WASL: variants seen among roughly 807,000 people sequenced by gnomAD.
WASL encodes the protein actin nucleation-promoting factor WASL.
In WASL, 20 loss-of-function variants were observed where a neutral mutation model predicts 55.5. The ratio of observed to expected loss-of-function variants is 0.36; its 90% confidence interval spans 0.25 to 0.52. The LOEUF (loss-of-function observed/expected upper bound fraction) is 0.52. Among genes scored for constraint, WASL ranks in the 20% least tolerant of loss-of-function variants. The pLI is 0.92. For synonymous variants in WASL, 249 were observed against 217.6 expected, an observed-to-expected ratio of 1.14 and a Z score of -1.27; for missense variants, 504 against 622.5, an observed-to-expected ratio of 0.81 and a Z score of 2.03.
intron 1 of WASL, among the ~76,000 whole-genome samples, chr7:123,724,407 T>A (rs1804008006): frequency 6.6e-6 from 1 of 152,206 alleles, no homozygotes; most frequent in South Asian, 2.1e-4. Flanking sequence ...AATGTCACAC[T>A]TGATCAAGTT....
rs772176074 is a variant in WASL at position 123,748,729 on chromosome 7, G to A, written c.6C>T (p.Ser2=). M[S]SVQQQPPPPR... ...GCGGCGGCGGCTGCTGCTGGACGGA[G>A]CTCATGGTTTCGCCGGCGGGGTTGG... The change falls in exon 1 of 11, where the codon AGC becomes AGT. Residue 2 remains serine (S), a synonymous_variant. Transcript: ENST00000223023. The A allele has an allele frequency of 1.5e-5, 24 of 1,586,616 alleles. No homozygotes were observed. The highest frequency in any genetic ancestry group is 1.8e-5 in the Non-Finnish European group (21 of 1,168,060).
chr7:123,689,942 T>C (rs1386095452), intron 9 of WASL, among the ~76,000 whole-genome samples: 1 of 152,252 alleles, frequency 6.6e-6, no homozygotes, highest in African/African-American at 2.4e-5. Context: ...TGTACAATTC[T>C]TCCTCTAATA....
At position 123,748,948 on chromosome 7, in the gene WASL, A is replaced by C; in HGVS notation, c.-214T>G. 1 of 557,442 alleles carries C rather than the reference A, an allele frequency of 1.8e-6. No individual in the cohort carries two copies. Among genetic ancestry groups the C allele is most frequent in the Non-Finnish European group, 3.2e-6 (1 of 316,702 alleles). 34.5% of individuals were successfully genotyped at this position (557,442 alleles called of 1,614,324 possible). A position where few individuals can be genotyped will look rare whatever the true frequency, so the allele number is the denominator to read the frequency against. ...GCGCTGAGAAAGGGAAGCTCCCGGC[A>C]CCCGCCCGGCCAGGCTAGGGCCGGA... On this transcript the variant is annotated 5_prime_UTR_variant, in exon 1 of 11. Transcript: ENST00000223023.
intron 1 of WASL, among the ~76,000 whole-genome samples, chr7:123,737,140 G>A (rs1804246251): frequency 6.6e-6 from 1 of 152,080 alleles, no homozygotes; most frequent in Non-Finnish European, 1.5e-5. Context: ...CCTAACAATA[G>A]CTGATGAACT....
chr7:123,688,176 T>C (rs1166647033), intron 10 of WASL, among the ~76,000 whole-genome samples: 1 of 152,176 alleles, frequency 6.6e-6, no homozygotes, highest in Non-Finnish European at 1.5e-5. Flanking sequence ...GTGGTATGTA[T>C]ATGTTTAATA....
intron 1 of WASL, among the ~76,000 whole-genome samples, chr7:123,727,384 A>ACACAC (rs1584870324): frequency 2.4e-5 from 2 of 83,334 alleles, no homozygotes; most frequent in African/African-American, 5.2e-5. Context: ...CACACACACA[A>ACACAC]ACTTATACAA....
intron 5 of WASL, among the ~76,000 whole-genome samples, chr7:123,701,921 A>G (rs1041656371): frequency 6.8e-6 from 1 of 147,206 alleles, no homozygotes; most frequent in African/African-American, 2.5e-5. Flanking sequence ...CATGCTGTAT[A>G]ATTTTGTCCT....
intron 1 of WASL, among the ~76,000 whole-genome samples, chr7:123,719,778 T>A (rs1003761433): frequency 3.9e-5 from 6 of 152,176 alleles, no homozygotes; most frequent in African/African-American, 1.4e-4. Context: ...TTTCATACTG[T>A]CTCTAAGAAA....
chr7:123,730,884 G>C (rs1378195882), intron 1 of WASL, among the ~76,000 whole-genome samples: 2 of 152,148 alleles, frequency 1.3e-5, no homozygotes, highest in Admixed American at 6.5e-5. Flanking sequence ...TTGGTGTACA[G>C]GTAATTGTCG....
intron 1 of WASL, among the ~76,000 whole-genome samples, chr7:123,731,262 T>C (rs1386698607): frequency 8.6e-5 from 13 of 152,022 alleles, no homozygotes; most frequent in Non-Finnish European, 5.9e-5. Flanking sequence ...CAAAAAGACA[T>C]AACAATCTGT....
chr7:123,731,633 TATAAATC>T (rs1804138182), intron 1 of WASL, among the ~76,000 whole-genome samples: 1 of 152,150 alleles, frequency 6.6e-6, no homozygotes, highest in Non-Finnish European at 1.5e-5. Context: ...GGAATGAAAC[TATAAATC>T]AGTAACAGAC....
At chr7:123,738,993 C>T (rs1804284994) in intron 1 of WASL, among the ~76,000 whole-genome samples, 1 of 152,166 alleles carries the variant, frequency 6.6e-6, no homozygotes, top group South Asian at 2.1e-4. Flanking sequence ...GTTGGACAAG[C>T]TTGCTCTAGA....
intron 1 of WASL, among the ~76,000 whole-genome samples, chr7:123,727,353 T>TCGCTCACACACACACA (rs1554406247): frequency 9.9e-4 from 147 of 147,814 alleles, no homozygotes; most frequent in African/African-American, 3.5e-3. Flanking sequence ...AAAATATGTG[T>TCGCTCACACACACACA]CACACACACA....
At chr7:123,748,557 C>A in intron 1 of WASL, 61 bp downstream of exon 1, 10 of 1,568,140 alleles carry the variant, frequency 6.4e-6, no homozygotes, top group Non-Finnish European at 8.7e-6. Context: ...CACTTCCCGG[C>A]CCCCAAGCCC....
At chr7:123,710,481 T>C (rs56396297) in intron 1 of WASL, among the ~76,000 whole-genome samples, 69,349 of 151,704 alleles carry the variant, frequency 0.46, 16,116 homozygotes, top group South Asian at 0.66. Context: ...GGGGTGCCCT[T>C]TTTTGGTAAG....
At chr7:123,734,415 A>C (rs1804192123) in intron 1 of WASL, among the ~76,000 whole-genome samples, 1 of 152,176 alleles carries the variant, frequency 6.6e-6, no homozygotes, top group African/African-American at 2.4e-5. Flanking sequence ...GGGAATTGCA[A>C]AAGCAATGAG....
At chr7:123,692,902 T>G in intron 8 of WASL, 35 bp from the exon 9 acceptor site, 1 of 1,341,508 alleles carries the variant, frequency 7.5e-7, no homozygotes, top group South Asian at 2.7e-5. Flanking sequence ...AGGCATGCTT[T>G]TTTCTTCTCA....
At chr7:123,732,123 C>G (rs1228884557) in intron 1 of WASL, among the ~76,000 whole-genome samples, 2 of 152,048 alleles carry the variant, frequency 1.3e-5, no homozygotes, top group Non-Finnish European at 2.9e-5. Flanking sequence ...ATCAGGAGAT[C>G]AAGACCATCC....
In WASL at chr7:123,706,336, T is replaced by G. The variant is rs2116786846; in HGVS notation, c.377A>C (p.Glu126Ala). 2 of 1,613,724 alleles carry G rather than the reference T, an allele frequency of 1.2e-6. No individual in the cohort carries two copies. Among genetic ancestry groups the G allele is most frequent in the Non-Finnish European group, 1.7e-6 (2 of 1,179,818 alleles). Residue 126 changes from glutamate to alanine, a missense_variant, in exon 4 of 11, where the codon GAA (glutamate) becomes GCA (alanine). This residue lies in a region of WASL where 230 missense variants were observed against 271.9 expected (regional missense o/e 0.85). Coordinates refer to ENST00000223023, the MANE Select transcript of WASL (RefSeq NM_003941.4). ...AACTGCTTTTCGAAATTTTTTTGCT[T>G]CTTCTTCATTGGCAAAATTAAGAGC... The part of the protein sequence containing the change: ...QVALNFANEE[E>A]AKKFRKAVTD...
Sources: gnomAD v4.1 joint callset for allele counts (sites outside exome capture counted in the v4.1 genomes callset) on GRCh38, gnomAD v4.1.1 for gene constraint, gnomAD v4.1.1 regional missense constraint, MANE v1.5 for transcripts, NCBI Gene and HGNC (gene_info 2026-07-23, HGNC 2026-07-21) for gene names.